MTMR9: variants seen among roughly 807,000 people sequenced by gnomAD.
MTMR9 encodes the protein myotubularin related protein 9.
A neutral mutation model predicts 69.5 loss-of-function variants in MTMR9; 39 were observed. That is an observed-to-expected ratio of 0.56 (90% CI 0.43 to 0.73). MTMR9 has a LOEUF of 0.73. Ranked by LOEUF, MTMR9 falls within the 30% of genes least tolerant of loss-of-function variation. The pLI is 0.00. For synonymous variants in MTMR9, 354 were observed against 240.8 expected (o/e 1.47, Z -4.35); for missense variants, 900 against 671.2 (o/e 1.34, Z -3.77).
rs373820000 is a variant in MTMR9 at position 11,284,861 on chromosome 8, G to A, written c.-28G>A. On this transcript the variant is annotated 5_prime_UTR_variant, in exon 1 of 10. Coordinates refer to ENST00000221086, the MANE Select transcript of MTMR9 (RefSeq NM_015458.4). ...TAACCGCCTCGCACCTACCGGGCTC[G>A]GTTCCCTGGCTCCGGCCGCGGGGGA... 1 of 1,548,006 alleles carries A rather than the reference G, an allele frequency of 6.5e-7. No homozygotes were observed. Among genetic ancestry groups the A allele is most frequent in the Admixed American group, 1.8e-5 (1 of 54,142 alleles).
intron 6 of MTMR9, among the ~76,000 whole-genome samples, chr8:11,313,178 A>G (rs915758220): frequency 6.6e-6 from 1 of 152,174 alleles, no homozygotes; most frequent in Non-Finnish European, 1.5e-5. Context: ...CTTTCCTTAA[A>G]CCTCATGAAC....
intron 1 of MTMR9, among the ~76,000 whole-genome samples, chr8:11,287,285 C>T (rs956609391): frequency 1.3e-5 from 2 of 152,184 alleles, no homozygotes; most frequent in African/African-American, 4.8e-5. Flanking sequence ...AACTACCTTT[C>T]CTTTCTTATT....
intron 8 of MTMR9, chr8:11,318,001 C>T (rs925938608): frequency 6.6e-6 from 1 of 152,202 alleles, no homozygotes; most frequent in South Asian, 2.1e-4. Context: ...TTAACTCCCC[C>T]ACTTAGAAGG....
downstream of MTMR9, among the ~76,000 whole-genome samples, chr8:11,329,808 C>T (rs1294342526): frequency 1.3e-5 from 2 of 151,936 alleles, no homozygotes; most frequent in African/African-American, 2.4e-5. Flanking sequence ...CTCTGCCCGG[C>T]TGCCCAGTCT....
chr8:11,331,085 A>C (rs1339640658), downstream of MTMR9: 2 of 1,574,978 alleles, frequency 1.3e-6, no homozygotes, highest in African/African-American at 2.7e-5. Context: ...AGCCAGGAGG[A>C]GAGGAGAAAG....
chr8:11,285,748 G>C (rs1426705972), intron 1 of MTMR9, among the ~76,000 whole-genome samples: 3 of 152,026 alleles, frequency 2.0e-5, no homozygotes, highest in Non-Finnish European at 4.4e-5. Context: ...AAGTCAAAAA[G>C]TTAAACTTTC....
In MTMR9 at chr8:11,327,536, A is replaced by G. The variant is rs548641398; in HGVS notation, c.*4748A>G. The stretch of plus-strand genomic sequence containing the variant: ...TTCTACAAAATGCACCCTAAATCTC[A>G]TTGTTTAAAACCTTACTGATCTAAT... On this transcript the variant is annotated 3_prime_UTR_variant, in exon 10 of 10. Transcript: ENST00000221086. The G allele has an allele frequency of 5.2e-5, 8 of 152,738 alleles. No individual in the cohort carries two copies. The highest frequency in any genetic ancestry group is 1.9e-4 in the African/African-American group (8 of 41,570). 9.5% of individuals were successfully genotyped at this position (152,738 alleles called of 1,614,324 possible). A position where few individuals can be genotyped will look rare whatever the true frequency, so the allele number is the denominator to read the frequency against.
intron 6 of MTMR9, among the ~76,000 whole-genome samples, chr8:11,314,053 A>G (rs1351710001): frequency 1.3e-5 from 2 of 152,258 alleles, no homozygotes; most frequent in African/African-American, 4.8e-5. Flanking sequence ...ACTTACAAAC[A>G]TGGAAGGATA....
the MTMR9 span, among the ~76,000 whole-genome samples, chr8:11,335,180 G>A: frequency 3.0e-3 from 458 of 152,266 alleles, 1 homozygote; most frequent in Non-Finnish European, 5.1e-3. Flanking sequence ...TCTAAAATAA[G>A]CAACCATAAT....
intron 2 of MTMR9, 36 bp from the exon 3 acceptor site, chr8:11,299,987 G>A (rs764816802): frequency 1.9e-6 from 3 of 1,597,926 alleles, no homozygotes; most frequent in Middle Eastern, 1.7e-4. Context: ...AGTTGTGGAT[G>A]TTTCTTTTTT....
the MTMR9 span, among the ~76,000 whole-genome samples, chr8:11,338,528 A>T: frequency 1.3e-5 from 2 of 152,208 alleles, no homozygotes; most frequent in Non-Finnish European, 2.9e-5. Context: ...GGTAGACATA[A>T]TTCCTGTAAT....
chr8:11,317,102 T>C, intron 8 of MTMR9: 1 of 379,244 alleles, frequency 2.6e-6, no homozygotes, highest in Non-Finnish European at 4.7e-6. Flanking sequence ...AGGTTAAAAT[T>C]AGTCCATACG....
intron 3 of MTMR9, chr8:11,300,905 A>G (rs1417195745): frequency 2.0e-5 from 3 of 152,222 alleles, no homozygotes; most frequent in Admixed American, 2.0e-4. Flanking sequence ...GACTTTTGTG[A>G]AAGACCATTA....
intron 3 of MTMR9, among the ~76,000 whole-genome samples, chr8:11,302,139 G>T (rs1264948343): frequency 1.3e-5 from 2 of 151,190 alleles, no homozygotes; most frequent in African/African-American, 4.9e-5. Flanking sequence ...TTTGGTCCCA[G>T]TTACCTGGGG....
intron 1 of MTMR9, among the ~76,000 whole-genome samples, chr8:11,290,476 A>T (rs984375441): frequency 6.6e-6 from 1 of 151,792 alleles, no homozygotes; most frequent in Non-Finnish European, 1.5e-5. Flanking sequence ...GAACTTGCCA[A>T]TGTTTTGCTT....
In MTMR9 at chr8:11,319,732, G is replaced by T. The variant is rs756117483; in HGVS notation, c.1380G>T (p.Trp460Cys). 6.2e-7 allele frequency: 1 copy of T among 1,614,106 alleles called. No individual in the cohort carries two copies. Among genetic ancestry groups the T allele is most frequent in the Middle Eastern group, 1.7e-4 (1 of 6,030 alleles). ...AGAAGACGATGTCTTTGTGGTCCTG[G>T]GTTAATCAGCCCAGTGAGCTGAGTA... ...LQQKTMSLWS[W>C]VNQPSELSKF... Residue 460 changes from tryptophan to cysteine, a missense_variant, in exon 9 of 10, where the codon TGG becomes TGT. Coordinates refer to ENST00000221086, the MANE Select transcript of MTMR9 (RefSeq NM_015458.4).
chr8:11,290,476 A>G (rs984375441), intron 1 of MTMR9, among the ~76,000 whole-genome samples: 2 of 151,792 alleles, frequency 1.3e-5, no homozygotes, highest in East Asian at 1.9e-4. Context: ...GAACTTGCCA[A>G]TGTTTTGCTT....
chr8:11,293,548 T>A (rs1426371163), intron 1 of MTMR9, among the ~76,000 whole-genome samples: 1 of 152,214 alleles, frequency 6.6e-6, no homozygotes, highest in Non-Finnish European at 1.5e-5. Flanking sequence ...AGCAGACGTT[T>A]TACATTTTGA....
chr8:11,285,751 A>G (rs1411592627), intron 1 of MTMR9, among the ~76,000 whole-genome samples: 2 of 152,068 alleles, frequency 1.3e-5, no homozygotes, highest in Non-Finnish European at 2.9e-5. Context: ...TCAAAAAGTT[A>G]AACTTTCATC....
Sources: gnomAD v4.1 joint callset for allele counts (sites outside exome capture counted in the v4.1 genomes callset) on GRCh38, gnomAD v4.1.1 for gene constraint, MANE v1.5 for transcripts, NCBI Gene and HGNC (gene_info 2026-07-23, HGNC 2026-07-21) for gene names.